Variants in VWF observed in about 807,000 individuals in gnomAD.
VWF encodes von Willebrand factor, also known as Factor VIII related antigen.
In VWF, 176 loss-of-function variants were observed where a neutral mutation model predicts 308.6. That is an observed-to-expected ratio of 0.57 (90% CI 0.50 to 0.65). The LOEUF is 0.65. VWF is among the 30% of genes least tolerant of loss of function. The pLI, the probability that VWF is intolerant of heterozygous loss-of-function variation, is 0.00. For missense variants in VWF, 3,146 were observed against 3,648.2 expected (o/e 0.86, Z 3.55); for synonymous variants, 1,385 against 1,443.4 (o/e 0.96, Z 0.92).
At chr12:6,025,338 C>T (rs895101586) in intron 24 of VWF, among the ~76,000 whole-genome samples, 3 of 152,192 alleles carry the variant, frequency 2.0e-5, no homozygotes, top group Admixed American at 6.5e-5. Context: ...TGGCACATGC[C>T]AAGGGGAGTT....
intron 6 of VWF, among the ~76,000 whole-genome samples, chr12:6,080,931 T>G (rs1944902439): frequency 6.6e-6 from 1 of 152,182 alleles, no homozygotes; most frequent in Non-Finnish European, 1.5e-5. Context: ...CCTGTGGGAA[T>G]TGGCACAATC....
intron 21 of VWF, among the ~76,000 whole-genome samples, chr12:6,029,995 C>T (rs1331584220): frequency 6.6e-6 from 1 of 152,192 alleles, no homozygotes; most frequent in Non-Finnish European, 1.5e-5. Context: ...AACTGAGGTG[C>T]TCAGTGCTAG....
intron 5 of VWF, among the ~76,000 whole-genome samples, chr12:6,096,247 T>C (rs929795789): frequency 6.6e-6 from 1 of 152,134 alleles, no homozygotes; most frequent in Non-Finnish European, 1.5e-5. Flanking sequence ...TGTGCCTTTC[T>C]CCCTCCATGT....
intron 3 of VWF, among the ~76,000 whole-genome samples, chr12:6,118,376 C>CTTT (rs71064189): frequency 1.4e-4 from 9 of 65,486 alleles, no homozygotes; most frequent in African/African-American, 2.0e-4. Context: ...CCTCTGGTCA[C>CTTT]TTTTTTTTTT....
chr12:6,075,218 G>T lies in VWF; in HGVS notation c.874+117C>A. On this transcript the variant is annotated intron_variant, in intron 7 of 51. Transcript: ENST00000261405. This position sits in a 1 kb window ranked among gnomAD's most constrained non-coding sequence, Gnocchi z 4.7. ...ACACGTGGCTTTGTAGTCACTGGCT[G>T]GCTGGGTGTGGTAAAGCCGCACATA... 1.5e-6 allele frequency: 2 copies of T among 1,310,714 alleles called. No homozygotes were observed. The highest frequency in any genetic ancestry group is 2.2e-6 in the Non-Finnish European group (2 of 929,842). The allele number at this position is 1,310,714 out of a possible 1,614,324, so 81.2% of individuals were successfully genotyped here.
intron 10 of VWF, among the ~76,000 whole-genome samples, chr12:6,066,587 G>A (rs768790981): frequency 5.3e-5 from 8 of 152,242 alleles, no homozygotes; most frequent in East Asian, 1.9e-4. Context: ...TGTCTACAGC[G>A]CTACCTCAGC....
At chr12:6,115,517 G>A (rs908149172) in intron 3 of VWF, among the ~76,000 whole-genome samples, 1 of 152,028 alleles carries the variant, frequency 6.6e-6, no homozygotes, top group African/African-American at 2.4e-5. Flanking sequence ...TACCCTTGCC[G>A]TGTGCCATGC....
At chr12:6,095,154 G>A in intron 6 of VWF, 1 of 381,244 alleles carries the variant, frequency 2.6e-6, no homozygotes, top group Non-Finnish European at 5.0e-6. Context: ...CTTGATTTTG[G>A]GCTGCCTAGC....
At chr12:6,091,504 C>G (rs968385453) in intron 6 of VWF, among the ~76,000 whole-genome samples, 1 of 152,174 alleles carries the variant, frequency 6.6e-6, no homozygotes, top group Non-Finnish European at 1.5e-5. Flanking sequence ...TATACTGTCT[C>G]TATAGCCCAA....
At chr12:5,968,076 C>T (rs768524351) in intron 46 of VWF, 51 bp downstream of exon 46, 1 of 1,611,650 alleles carries the variant, frequency 6.2e-7, no homozygotes, top group Non-Finnish European at 8.5e-7. Context: ...TCCCACAGTA[C>T]CCCCTTCCCT....
At chr12:6,061,393 G>C (rs1338070402) in intron 13 of VWF, among the ~76,000 whole-genome samples, 1 of 144,192 alleles carries the variant, frequency 6.9e-6, no homozygotes, top group Non-Finnish European at 1.5e-5. Flanking sequence ...TTTCCTACTG[G>C]AAAAGGGAGG....
intron 40 of VWF, among the ~76,000 whole-genome samples, chr12:5,983,626 T>C (rs1172815373): frequency 6.6e-6 from 1 of 151,358 alleles, no homozygotes; most frequent in East Asian, 2.0e-4. Context: ...GATAGACAGA[T>C]AGATATAGAA....
At chr12:5,983,035 G>C in intron 41 of VWF, 115 bp downstream of exon 41, 1 of 1,079,214 alleles carries the variant, frequency 9.3e-7, no homozygotes. Context: ...CCCAGATTCA[G>C]CTAGGTAGAA....
chr12:5,974,127 G>A (rs949397039), intron 43 of VWF, among the ~76,000 whole-genome samples: 25 of 152,088 alleles, frequency 1.6e-4, no homozygotes, highest in African/African-American at 5.6e-4. Context: ...GCATATATGA[G>A]CCCAAGTGCC....
rs1253348885 is a variant in VWF, at chr12:6,024,213, G to C, written c.3223-426C>G. ...TGCCTCAATTCAGCAAAGAGAATGG[G>C]GAAATACATCAGGCCCTGCAGCTGC... On this transcript the variant is annotated intron_variant, in intron 24 of 51. Transcript: ENST00000261405. This position sits in a 1 kb window ranked among gnomAD's most constrained non-coding sequence, Gnocchi z 4.0. Among the ~76,000 whole-genome samples the C allele has an allele frequency of 2.0e-5, 3 of 152,324 alleles. No homozygotes were observed. Among genetic ancestry groups the C allele is most frequent in the Middle Eastern group, 3.4e-3 (1 of 294 alleles).
At position 6,057,022 on chromosome 12, in the gene VWF, C is replaced by T; in HGVS notation, c.1780G>A (p.Ala594Thr). The change falls in exon 15 of 52, where the codon GCC (alanine) becomes ACC (threonine). Residue 594 changes from alanine to threonine, a missense_variant. Ala to Thr is a moderately conservative substitution (Grantham distance 58, BLOSUM62 0). Around this residue, in one of 3 missense-constraint regions of VWF, gnomAD observed 1,304 missense variants for 1,353.0 expected, o/e 0.96. Coordinates refer to ENST00000261405, the MANE Select transcript of VWF (RefSeq NM_000552.5). ...AGCGGGCTGACGGCACGATGGCAGG[C>T]CTCGAATGTGGGGGACGTCAGGACC... is the stretch of plus-strand genomic sequence containing the variant. ...CAVLTSPTFE[A>T]CHRAVSPLPY... The T allele has an allele frequency of 6.4e-7, 1 of 1,550,408 alleles. No homozygotes were observed.
At position 6,052,762 on chromosome 12, in the gene VWF, T is replaced by C. The variant is rs527703280; in HGVS notation, c.1967A>G (p.Gln656Arg). 15 of 1,611,690 alleles carry C rather than the reference T, an allele frequency of 9.3e-6. No homozygotes were observed. In the South Asian group the frequency reaches 1.6e-4, roughly 18 times the overall value. ...GRCELNCPKG[Q>R]VYLQCGTPCN... The stretch of plus-strand genomic sequence containing the variant: ...GGGGGTCCCGCACTGCAGGTACACC[T>C]GGCCTTTCGGGCAGTTCAGCTCTAG... The change falls in exon 16 of 52, where the codon CAG (glutamine) becomes CGG (arginine). Residue 656 changes from glutamine (Q) to arginine (R), a missense_variant. Physicochemically the swap from Gln to Arg is conservative, Grantham distance 43 (BLOSUM62 1). This residue lies in a region of VWF where 1,304 missense variants were observed against 1,353.0 expected (regional missense o/e 0.96). Transcript: ENST00000261405.
At chr12:6,061,265 G>A (rs1405335818) in intron 13 of VWF, among the ~76,000 whole-genome samples, 2 of 152,048 alleles carry the variant, frequency 1.3e-5, no homozygotes, top group African/African-American at 4.8e-5. Context: ...GAAGACCGGG[G>A]TGCAGGAGGC....
At chr12:6,085,302 T>C (rs1016708060) in intron 6 of VWF, among the ~76,000 whole-genome samples, 4 of 152,250 alleles carry the variant, frequency 2.6e-5, no homozygotes, top group African/African-American at 7.2e-5. Context: ...CAGGAGCTAA[T>C]TCCCCTAAGC....
Sources: gnomAD v4.1 joint callset for allele counts (sites outside exome capture counted in the v4.1 genomes callset) on GRCh38, gnomAD v4.1.1 for gene constraint, gnomAD v4.1.1 regional missense constraint, Gnocchi (gnomAD v3.1) non-coding constraint, MANE v1.5 for transcripts, NCBI Gene and HGNC (gene_info 2026-07-23, HGNC 2026-07-21) for gene names.